Variants in PALS2 observed in about 807,000 individuals in gnomAD.
The protein encoded by PALS2 is protein associated with LIN7 2, MAGUK p55 family member.
A neutral mutation model predicts 61.6 loss-of-function variants in PALS2; 27 were observed. The ratio of observed to expected loss-of-function variants is 0.44; its 90% CI spans 0.32 to 0.60. The LOEUF is 0.60. Ranked by LOEUF, PALS2 falls within the 20% of genes least tolerant of loss-of-function variation. The pLI, the probability that PALS2 is intolerant of heterozygous loss-of-function variation, is 0.05. For missense variants in PALS2, 554 were observed against 639.4 expected (o/e 0.87, Z 1.44); for synonymous variants, 236 against 218.6 (o/e 1.08, Z -0.70).
At chr7:24,615,542 G>A (rs1297475910) in intron 1 of PALS2, among the ~76,000 whole-genome samples, 1 of 151,878 alleles carries the variant, frequency 6.6e-6, no homozygotes, top group African/African-American at 2.4e-5. Context: ...GAGTCCAGAT[G>A]AGATAGAAGA....
chr7:24,581,666 G>A (rs1384005406), intron 1 of PALS2, among the ~76,000 whole-genome samples: 1 of 152,192 alleles, frequency 6.6e-6, no homozygotes, highest in African/African-American at 2.4e-5. Flanking sequence ...GGTCAGGGAT[G>A]CTGCAAACAG....
At chr7:24,617,562 T>C (rs1481731344) in intron 1 of PALS2, among the ~76,000 whole-genome samples, 1 of 152,212 alleles carries the variant, frequency 6.6e-6, no homozygotes, top group African/African-American at 2.4e-5. Context: ...TTGCGTGGGG[T>C]GCATTCACTT....
At chr7:24,602,588 G>A (rs1783758755) in intron 1 of PALS2, among the ~76,000 whole-genome samples, 1 of 152,162 alleles carries the variant, frequency 6.6e-6, no homozygotes, top group African/African-American at 2.4e-5. Context: ...TAGTCAGGAG[G>A]GAGAATCAGG....
At chr7:24,664,461 A>C (rs1786908874) in intron 6 of PALS2, among the ~76,000 whole-genome samples, 1 of 152,156 alleles carries the variant, frequency 6.6e-6, no homozygotes, top group Non-Finnish European at 1.5e-5. Context: ...AATGCCTTAA[A>C]CTATCAAAGC....
chr7:24,580,092 G>A (rs777515924), intron 1 of PALS2, among the ~76,000 whole-genome samples: 4 of 152,168 alleles, frequency 2.6e-5, no homozygotes, highest in Non-Finnish European at 5.9e-5. Context: ...GAGAAATTCT[G>A]TGGTGGAACT....
chr7:24,635,591 AGTGAT>A lies in PALS2; in HGVS notation c.118-6123_118-6119del, dbSNP rs1358313953. Among the ~76,000 whole-genome samples, 3 of 152,210 alleles carry A rather than the reference AGTGAT, an allele frequency of 2.0e-5. No homozygotes were observed. In the East Asian group the frequency reaches 5.8e-4, roughly 29 times the overall value. On this transcript the variant is annotated intron_variant, in intron 2 of 11. Coordinates refer to ENST00000222644, the MANE Select transcript of PALS2 (RefSeq NM_001303037.2). The stretch of plus-strand genomic sequence containing the variant: ...ACCTCCAGTACAAATGTTAAATAGA[AGTGAT>A]GAGAGTGGACATCTTTGTCTTGTTT...
Position 24,690,397 on chromosome 7 carries a change from T to C in PALS2, c.*2783T>C, listed in dbSNP as rs1038893676. ...GAAGCGAAAATGGTTTAGAGTGGTGTTGAGCAATTGTTAAGAGTTGAAATA... is the reference window on the plus strand; with the variant it reads ...GAAGCGAAAATGGTTTAGAGTGGTGCTGAGCAATTGTTAAGAGTTGAAATA... On this transcript the variant is annotated 3_prime_UTR_variant, in exon 12 of 12. Coordinates refer to ENST00000222644, the MANE Select transcript of PALS2 (RefSeq NM_001303037.2). 1 of 152,158 alleles carries C rather than the reference T, an allele frequency of 6.6e-6. No homozygotes were observed. Among genetic ancestry groups the C allele is most frequent in the African/African-American group, 2.4e-5 (1 of 41,422 alleles). The allele number at this position is 152,158 out of a possible 1,614,324, so 9.4% of individuals were successfully genotyped here.
intron 1 of PALS2, among the ~76,000 whole-genome samples, chr7:24,576,524 G>C (rs1315680867): frequency 6.6e-6 from 1 of 152,200 alleles, no homozygotes; most frequent in South Asian, 2.1e-4. Flanking sequence ...TGCTTACAAA[G>C]TATCATTCTT....
At chr7:24,581,679 C>T (rs1440843450) in intron 1 of PALS2, among the ~76,000 whole-genome samples, 1 of 152,160 alleles carries the variant, frequency 6.6e-6, no homozygotes, top group African/African-American at 2.4e-5. Flanking sequence ...GCAAACAGTG[C>T]ACAGGGCAGC....
intron 3 of PALS2, among the ~76,000 whole-genome samples, chr7:24,648,452 C>A (rs960833456): frequency 2.0e-5 from 3 of 151,712 alleles, no homozygotes; most frequent in Admixed American, 2.0e-4. Flanking sequence ...ACCACCACGC[C>A]CAGCTAATTT....
intron 1 of PALS2, among the ~76,000 whole-genome samples, chr7:24,622,861 A>G (rs778047775): frequency 6.6e-6 from 1 of 151,596 alleles, no homozygotes; most frequent in African/African-American, 2.4e-5. Context: ...TTTCCCTTCT[A>G]TTTTTAGTTT....
chr7:24,661,851 A>AACTC (rs1786736816), intron 5 of PALS2, among the ~76,000 whole-genome samples: 2 of 152,222 alleles, frequency 1.3e-5, no homozygotes, highest in Non-Finnish European at 2.9e-5. Flanking sequence ...AGTTTCATCA[A>AACTC]TATGGAGAGG....
intron 1 of PALS2, among the ~76,000 whole-genome samples, chr7:24,612,018 C>T (rs748437513): frequency 7.9e-5 from 12 of 151,984 alleles, no homozygotes; most frequent in Middle Eastern, 3.4e-3. Context: ...GAAATATTTA[C>T]GAGGTAGAAT....
chr7:24,683,984 A>G (rs1788067574), intron 11 of PALS2, among the ~76,000 whole-genome samples: 1 of 152,208 alleles, frequency 6.6e-6, no homozygotes, highest in South Asian at 2.1e-4. Context: ...CAAACACAAC[A>G]TTCTGGGAAT....
rs552740491 is a variant in PALS2, at chr7:24,591,686, G to T, written c.-3+18093G>T. Among the ~76,000 whole-genome samples the T allele has an allele frequency of 1.4e-4, 21 of 152,176 alleles. No homozygotes were observed. In the South Asian group the frequency reaches 4.4e-3, roughly 32 times the overall value. On this transcript the variant is annotated intron_variant, in intron 1 of 11. Transcript: ENST00000222644. The stretch of plus-strand genomic sequence containing the variant: ...AATGCTGAGCCGTGTTGCTTCTAGG[G>T]GAAATGCAGGGTTAGGTTCCTGCAA...
chr7:24,641,917 A>G (rs769238315), intron 3 of PALS2, 49 bp downstream of exon 3: 6 of 1,557,870 alleles, frequency 3.9e-6, no homozygotes, highest in East Asian at 2.3e-5. Context: ...TTCCCAAAGT[A>G]TTCTCCTTTA....
At chr7:24,675,080 G>A (rs11509161) in intron 9 of PALS2, among the ~76,000 whole-genome samples, 2,219 of 152,234 alleles carry the variant, frequency 0.015, 38 homozygotes, top group Admixed American at 0.048. Context: ...ATGTGGCAAC[G>A]TAGATTGTTT....
chr7:24,621,842 T>C (rs1455985222), intron 1 of PALS2, among the ~76,000 whole-genome samples: 5 of 152,024 alleles, frequency 3.3e-5, no homozygotes, highest in African/African-American at 9.7e-5. Flanking sequence ...ATAAAACTAA[T>C]AAAATTAAGA....
intron 1 of PALS2, among the ~76,000 whole-genome samples, chr7:24,582,949 C>T (rs1022159320): frequency 4.9e-5 from 6 of 122,824 alleles, no homozygotes; most frequent in Admixed American, 3.3e-4. Flanking sequence ...TGCTAGAGTG[C>T]AGTGGCGTGA....
Sources: allele counts gnomAD v4.1 joint callset (sites outside exome capture counted in the v4.1 genomes callset), GRCh38; gene constraint gnomAD v4.1.1; transcripts MANE v1.5; gene names NCBI Gene and HGNC (gene_info 2026-07-23, HGNC 2026-07-21).